Variants in SMG1 observed in about 807,000 individuals in gnomAD.
SMG1 encodes SMG1 nonsense mediated mRNA decay associated PI3K related kinase, also known as serine/threonine-protein kinase SMG1.
A neutral mutation model predicts 419.9 loss-of-function variants in SMG1; 22 were observed. The ratio of observed to expected loss-of-function variants is 0.05; its 90% confidence interval spans 0.04 to 0.07. The LOEUF is 0.07. Among genes scored for constraint, SMG1 ranks in the 10% least tolerant of loss-of-function variants. The probability of loss-of-function intolerance (pLI) is 1.00; values close to 1 mark genes in which losing one functional copy is unlikely to be tolerated. For missense variants in SMG1, 3,185 were observed against 4,342.0 expected (o/e 0.73, Z 7.49); for synonymous variants, 1,538 against 1,553.5 (o/e 0.99, Z 0.23).
At chr16:18,869,416 AG>A in intron 19 of SMG1, 113 bp from the exon 20 acceptor site, 1 of 881,928 alleles carries the variant, frequency 1.1e-6, no homozygotes. Flanking sequence ...ACTCCAAAAA[AG>A]GCAAAACCTA....
At chr16:18,902,627 G>GAGGGAGGAGGTC (rs1476865441) in intron 1 of SMG1, among the ~76,000 whole-genome samples, 1 of 151,894 alleles carries the variant, frequency 6.6e-6, no homozygotes, top group Admixed American at 6.6e-5. Flanking sequence ...CTGAACCTGG[G>GAGGGAGGAGGTC]AGGGAGGAGG....
Position 18,838,588 on chromosome 16 carries a change from T to G in SMG1, c.7047A>C (p.Glu2349Asp), listed in dbSNP as rs1481103888. The G allele has an allele frequency of 6.2e-7, 1 of 1,613,512 alleles. No individual in the cohort carries two copies. The highest frequency in any genetic ancestry group is 8.5e-7 in the Non-Finnish European group (1 of 1,179,524). The part of the protein sequence containing the change: ...DNVLIDMTTG[E>D]VVHIDYNVCF... ...AAACATTGTAATCTATGTGAACAAC[T>G]TCTCCAGTCGTCATATCTATAAGAA... The change falls in exon 43 of 63, where the codon GAA (glutamate) becomes GAC (aspartate). Residue 2349 changes from glutamate (E) to aspartate (D), a missense_variant. By Grantham distance (45) the Glu-to-Asp change is conservative. Around this residue, in one of 27 missense-constraint regions of SMG1, gnomAD observed 60 missense variants for 133.9 expected, o/e 0.45. Transcript: ENST00000446231.
In SMG1 at chr16:18,836,227, C is replaced by T. The variant is rs1381214889; in HGVS notation, c.7778-15G>A. ...ACTTGGAGGACCTTTTGGTAAAAGA[C>T]ATTATTAAACACAGTAAAACAGGGT... is the stretch of plus-strand genomic sequence containing the variant. On this transcript the variant is annotated splice_polypyrimidine_tract_variant and intron_variant, in intron 47 of 62. Transcript: ENST00000446231. The T allele has an allele frequency of 1.2e-6, 2 of 1,608,332 alleles. No homozygotes were observed. The highest frequency in any genetic ancestry group is 1.7e-5 in the Admixed American group (1 of 59,442).
chr16:18,858,097 T>C (rs2035015321), intron 29 of SMG1, 73 bp downstream of exon 29: 2 of 1,309,462 alleles, frequency 1.5e-6, no homozygotes, highest in African/African-American at 1.5e-5. Context: ...ATGTGTAATA[T>C]AAACCTCAAT....
In SMG1 at chr16:18,854,835, C is replaced by A. The variant is rs1328030375; in HGVS notation, c.4304G>T (p.Arg1435Leu). 1 of 1,613,870 alleles carries A rather than the reference C, an allele frequency of 6.2e-7. No homozygotes were observed. Among genetic ancestry groups the A allele is most frequent in the African/African-American group, 1.3e-5 (1 of 74,936 alleles). Residue 1435 changes from arginine to leucine, a missense_variant, in exon 30 of 63, where the codon CGA (arginine) becomes CTA (leucine). Arg to Leu is a moderately radical substitution (Grantham distance 102). Transcript: ENST00000446231. ...TCTTGTTGCAAGGGACACATTCCCT[C>A]GTTTTCTAGCAAATTTTGCTGCTGT... ...GLTAAKFARK[R>L]GNVSLATRLL... is the part of the protein sequence containing the mutation.
At chr16:18,889,051 C>T (rs1043845369) in intron 6 of SMG1, among the ~76,000 whole-genome samples, 27 of 150,920 alleles carry the variant, frequency 1.8e-4, no homozygotes, top group African/African-American at 6.4e-4. Context: ...GTCTCGATCT[C>T]CTGACCTCAT....
chr16:18,881,118 C>CAA (rs35166606), intron 10 of SMG1, among the ~76,000 whole-genome samples: 3 of 142,410 alleles, frequency 2.1e-5, no homozygotes, highest in African/African-American at 5.2e-5. Context: ...GCTCTAGCTC[C>CAA]AAAAAAAAAT....
chr16:18,895,099 G>A (rs924923440), intron 3 of SMG1, among the ~76,000 whole-genome samples: 3 of 152,120 alleles, frequency 2.0e-5, no homozygotes, highest in Non-Finnish European at 4.4e-5. Flanking sequence ...TTACAGGCAG[G>A]AGCCACTGCA....
chr16:18,915,795 G>C (rs567897319), intron 1 of SMG1, among the ~76,000 whole-genome samples: 1 of 151,892 alleles, frequency 6.6e-6, no homozygotes, highest in African/African-American at 2.4e-5. Context: ...CAGGCCAGGC[G>C]TGGTGGCTCA....
At chr16:18,836,672 A>C (rs1253640410) in intron 46 of SMG1, 140 bp from the exon 47 acceptor site, 3 of 818,642 alleles carry the variant, frequency 3.7e-6, no homozygotes, top group African/African-American at 1.7e-5. Flanking sequence ...AATGTCCCTT[A>C]CTTCTCTGTT....
chr16:18,844,962 G>A (rs1415182845), intron 39 of SMG1, among the ~76,000 whole-genome samples: 2 of 152,152 alleles, frequency 1.3e-5, no homozygotes, highest in Admixed American at 6.5e-5. Context: ...ATCATCCCAC[G>A]CAGCATATGT....
At chr16:18,924,986 A>G (rs1300015198) in intron 1 of SMG1, 1 of 152,146 alleles carries the variant, frequency 6.6e-6, no homozygotes, top group Non-Finnish European at 1.5e-5. Flanking sequence ...ATTGTGCTCC[A>G]AAGTAGGAGA....
In SMG1 at chr16:18,907,280, C is replaced by CA. The variant is rs750585688; in HGVS notation, c.93-10325dup. ...CTGGGCAACGAGAGAAACTCCATCT[C>CA]AAAAAAAAAAAAATCGTTTATGCCA... On this transcript the variant is annotated intron_variant, in intron 1 of 62. Coordinates refer to ENST00000446231, the MANE Select transcript of SMG1 (RefSeq NM_015092.5). Among the ~76,000 whole-genome samples, 400 of 139,034 alleles carry CA rather than the reference C, an allele frequency of 2.9e-3. 3 individuals carry two copies. Among genetic ancestry groups the CA allele is most frequent in the African/African-American group, 8.2e-3 (312 of 37,822 alleles). The allele number at this position is 139,034 out of a possible 152,430, so 91.2% of individuals were successfully genotyped here. A position where few individuals can be genotyped will look rare whatever the true frequency, so the allele number is the denominator to read the frequency against.
intron 13 of SMG1, 66 bp downstream of exon 13, chr16:18,876,058 C>A: frequency 1.3e-6 from 2 of 1,541,046 alleles, no homozygotes; most frequent in Non-Finnish European, 1.8e-6. Context: ...CAGTGAAATA[C>A]ATAAATATGT....
At chr16:18,884,316 C>CT (rs1451883203) in intron 8 of SMG1, 149 bp from the exon 9 acceptor site, 3 of 472,532 alleles carry the variant, frequency 6.3e-6, no homozygotes, top group African/African-American at 6.0e-5. Flanking sequence ...AAAATTAAGA[C>CT]TGTTAAACAT....
intron 39 of SMG1, among the ~76,000 whole-genome samples, chr16:18,843,001 C>G (rs763170635): frequency 1.4e-4 from 22 of 152,174 alleles, no homozygotes; most frequent in Non-Finnish European, 2.9e-4. Context: ...TCCAAACATG[C>G]AGTGAAATCA....
Position 18,876,288 on chromosome 16 carries a change from G to A in SMG1, c.1726C>T (p.Leu576=). Residue 576 remains leucine (L), a synonymous_variant, in exon 13 of 63, where the codon CTA becomes TTA. Coordinates refer to ENST00000446231, the MANE Select transcript of SMG1 (RefSeq NM_015092.5). ...TGTAGACTGTGTAGGAGGTTGTTTA[G>A]GGCACAAGTCATTTCTCCCAATATT... ...KLILGEMTCA[L]NNLLHSLQLP... 1.2e-6 allele frequency: 2 copies of A among 1,611,708 alleles called. No homozygotes were observed. The highest frequency in any genetic ancestry group is 1.1e-5 in the South Asian group (1 of 90,990).
intron 29 of SMG1, chr16:18,857,644 C>A (rs1320538033): frequency 6.6e-6 from 1 of 152,160 alleles, no homozygotes; most frequent in Admixed American, 6.5e-5. Context: ...GAGAGAAACA[C>A]AAATATACGT....
rs1290112490 is a variant in SMG1, at chr16:18,923,639, A to AG, written c.92+2310dup. ...GACAGAGCAAGACTCCATCTCAGGAAGGAAAAAAAAAAGGCCTACATCAAG... is the reference window on the plus strand; with the variant it reads ...GACAGAGCAAGACTCCATCTCAGGAAGGGAAAAAAAAAAGGCCTACATCAAG... On this transcript the variant is annotated intron_variant, in intron 1 of 62. Coordinates refer to ENST00000446231, the MANE Select transcript of SMG1 (RefSeq NM_015092.5). Among the ~76,000 whole-genome samples the AG allele has an allele frequency of 2.7e-5, 4 of 149,618 alleles. No individual in the cohort carries two copies. In the East Asian group the frequency reaches 7.7e-4, roughly 29 times the overall value.
Sources: gnomAD v4.1 joint callset for allele counts (sites outside exome capture counted in the v4.1 genomes callset) on GRCh38, gnomAD v4.1.1 for gene constraint, gnomAD v4.1.1 regional missense constraint, MANE v1.5 for transcripts, NCBI Gene and HGNC (gene_info 2026-07-23, HGNC 2026-07-21) for gene names.